Variants in CNKSR2 observed in about 807,000 individuals in gnomAD.
CNKSR2 encodes the protein CNK homolog protein 2.
Under a neutral mutation model 84.4 loss-of-function variants are expected in CNKSR2, and 14 were observed. The ratio of observed to expected loss-of-function variants is 0.17; its 90% CI spans 0.11 to 0.26. The LOEUF is 0.26. Ranked by LOEUF, CNKSR2 falls within the 10% of genes least tolerant of loss-of-function variation. The pLI, the probability that CNKSR2 is intolerant of heterozygous loss-of-function variation, is 1.00. For synonymous variants in CNKSR2, 275 were observed against 277.9 expected (o/e 0.99, Z 0.10); for missense variants, 485 against 771.2 (o/e 0.63, Z 4.40).
chrX:21,530,544 ATTTAG>A (rs1378280292), intron 10 of CNKSR2, among the ~76,000 whole-genome samples: 1 of 111,511 alleles, frequency 9.0e-6, no homozygotes, highest in Non-Finnish European at 1.9e-5. Context: ...TCTTGTTATA[ATTTAG>A]TTTATTCTAT....
intron 1 of CNKSR2, among the ~76,000 whole-genome samples, chrX:21,411,215 C>A (rs1054518502): frequency 6.3e-5 from 7 of 110,549 alleles, no homozygotes; most frequent in African/African-American, 2.3e-4. Context: ...ATTTTGAATT[C>A]TTTTTCAGGA....
At chrX:21,526,837 C>T (rs375204104) in intron 9 of CNKSR2, 30 bp from the exon 10 acceptor site, 96 of 1,143,429 alleles carry the variant, frequency 8.4e-5, no homozygotes, top group African/African-American at 5.3e-4. Flanking sequence ...TGTTTGTGTG[C>T]GTATGTATTT....
chrX:21,426,861 C>CT (rs1390411917), intron 2 of CNKSR2: 24 of 425,586 alleles, frequency 5.6e-5, no homozygotes, highest in Non-Finnish European at 8.2e-5. Flanking sequence ...TTTGTAACAT[C>CT]TTTTATAACA....
At chrX:21,555,955 A>G (rs2092136389) in intron 11 of CNKSR2, among the ~76,000 whole-genome samples, 3 of 110,980 alleles carry the variant, frequency 2.7e-5, no homozygotes, top group Non-Finnish European at 3.8e-5. Flanking sequence ...ATGTATGTAG[A>G]TAAGAAATCA....
Position 21,590,856 on chromosome X carries a change from G to C in CNKSR2, c.1658-166G>C, listed in dbSNP as rs1340125290. On this transcript the variant is annotated intron_variant, in intron 14 of 21. Coordinates refer to ENST00000379510, the MANE Select transcript of CNKSR2 (RefSeq NM_014927.5). ...TTACATATTTCTGATTAAGATGTGT[G>C]TCACTTATGTGAGGGAAAATATTAA... 1.5e-5 allele frequency: 7 copies of C among 465,134 alleles called. No homozygotes were observed. In the East Asian group the frequency reaches 2.7e-4, roughly 18 times the overall value. 38.3% of individuals were successfully genotyped at this position (465,134 alleles called of 1,213,427 possible). A position where few individuals can be genotyped will look rare whatever the true frequency, so the allele number is the denominator to read the frequency against.
rs1170217785 is a variant in CNKSR2 at position 21,434,083 on chromosome X, T to C, written c.431+1269T>C. Among the ~76,000 whole-genome samples the C allele has an allele frequency of 2.7e-5, 3 of 110,960 alleles. No individual in the cohort carries two copies. The East Asian group carries it at 8.4e-4, about 31-fold the overall frequency. On this transcript the variant is annotated intron_variant, in intron 3 of 21. Transcript: ENST00000379510. Reference sequence around the variant, plus strand: ...AGTACTATTAATATAATACATTTGTTTTGGTAGGCTTTACAGTAATCAGAA... The same window carrying C: ...AGTACTATTAATATAATACATTTGTCTTGGTAGGCTTTACAGTAATCAGAA...
Position 21,374,815 on chromosome X carries a change from G to C in CNKSR2, c.-83G>C. 1.1e-6 allele frequency: 1 copy of C among 877,089 alleles called. No homozygotes were observed. The highest frequency in any genetic ancestry group is 1.7e-6 in the Non-Finnish European group (1 of 591,246). 72.3% of individuals were successfully genotyped at this position (877,089 alleles called of 1,213,427 possible). On this transcript the variant is annotated 5_prime_UTR_variant, in exon 1 of 22. Transcript: ENST00000379510. Reference sequence around the variant, plus strand: ...GCCCAGGGAGGCTGCGGCCAGCAAGGGACCCCACCTGAGAGCAGCTCGGGC... The same window carrying C: ...GCCCAGGGAGGCTGCGGCCAGCAAGCGACCCCACCTGAGAGCAGCTCGGGC...
intron 20 of CNKSR2, among the ~76,000 whole-genome samples, chrX:21,617,419 A>G (rs1319238922): frequency 1.8e-5 from 2 of 111,837 alleles, no homozygotes; most frequent in South Asian, 3.7e-4. Context: ...TGATTGCACC[A>G]TAAAAATATC....
intron 11 of CNKSR2, among the ~76,000 whole-genome samples, chrX:21,555,490 A>G (rs2092131854): frequency 9.0e-6 from 1 of 111,301 alleles, no homozygotes; most frequent in South Asian, 3.8e-4. Context: ...CATTTAATTC[A>G]GTTTTACTTC....
Position 21,421,110 on chromosome X carries a change from C to G in CNKSR2, c.65-5387C>G, listed in dbSNP as rs747488454. ...TGGCTAGGGCTGGTTTAAATGCTCC[C>G]TCTGTGGGTGGGCATCAGCTGAGTT... On this transcript the variant is annotated intron_variant, in intron 1 of 21. Coordinates refer to ENST00000379510, the MANE Select transcript of CNKSR2 (RefSeq NM_014927.5). Among the ~76,000 whole-genome samples the G allele has an allele frequency of 2.7e-5, 3 of 110,939 alleles. No individual in the cohort carries two copies. In the South Asian group the frequency reaches 1.2e-3, roughly 43 times the overall value.
chrX:21,408,165 T>A (rs1261633941), intron 1 of CNKSR2, among the ~76,000 whole-genome samples: 6 of 112,093 alleles, frequency 5.4e-5, no homozygotes, highest in African/African-American at 1.9e-4. Context: ...TTTCTATACC[T>A]TTCACAATGA....
chrX:21,626,735 A>G (rs12011785), intron 20 of CNKSR2, among the ~76,000 whole-genome samples: 3,752 of 112,411 alleles, frequency 0.033, 149 homozygotes, highest in African/African-American at 0.1. Flanking sequence ...CAGAAAACAC[A>G]AATTTAGAAT....
intron 1 of CNKSR2, among the ~76,000 whole-genome samples, chrX:21,410,111 T>C (rs901919001): frequency 1.8e-5 from 2 of 109,461 alleles, no homozygotes; most frequent in African/African-American, 3.3e-5. Flanking sequence ...TCATCACTTA[T>C]TGAAAAAAAT....
At chrX:21,637,097 A>C (rs2092675767) in intron 20 of CNKSR2, among the ~76,000 whole-genome samples, 1 of 111,933 alleles carries the variant, frequency 8.9e-6, no homozygotes, top group African/African-American at 3.2e-5. Context: ...GATCTGCCTT[A>C]ATTTCAGAAA....
intron 11 of CNKSR2, 77 bp from the exon 12 acceptor site, chrX:21,561,394 A>G (rs750546817): frequency 1.3e-4 from 99 of 747,178 alleles, no homozygotes; most frequent in Non-Finnish European, 2.0e-4. Flanking sequence ...GGTAGACTTT[A>G]GCTAAAAATC....
chrX:21,439,417 A>G lies in CNKSR2; in HGVS notation c.432-1277A>G, dbSNP rs1055679833. 2.8e-4 allele frequency among the ~76,000 whole-genome samples: 31 copies of G among 111,016 alleles called. 1 individual carries two copies. The highest frequency in any genetic ancestry group is 7.8e-4 in the African/African-American group (24 of 30,720). On this transcript the variant is annotated intron_variant, in intron 3 of 21. Coordinates refer to ENST00000379510, the MANE Select transcript of CNKSR2 (RefSeq NM_014927.5). ...ATATATATCAGAAATATATATATTC[A>G]AAATATATCAGAAATATATATAGTA...
intron 20 of CNKSR2, among the ~76,000 whole-genome samples, chrX:21,614,557 T>A (rs2092567833): frequency 9.1e-6 from 1 of 109,734 alleles, no homozygotes; most frequent in African/African-American, 3.4e-5. Context: ...CACACCATCC[T>A]TGGCTGATTA....
At chrX:21,401,172 T>A (rs2090186473) in intron 1 of CNKSR2, among the ~76,000 whole-genome samples, 1 of 111,101 alleles carries the variant, frequency 9.0e-6, no homozygotes, top group African/African-American at 3.3e-5. Context: ...ATGAATGAGC[T>A]TAGAAAACTG....
chrX:21,585,470 T>C (rs2092380907), intron 13 of CNKSR2, among the ~76,000 whole-genome samples: 1 of 108,619 alleles, frequency 9.2e-6, no homozygotes, highest in Admixed American at 1.0e-4. Context: ...AAAACAAAGC[T>C]GGTAAAACTT....
Sources: allele counts gnomAD v4.1 joint callset (sites outside exome capture counted in the v4.1 genomes callset), GRCh38; gene constraint gnomAD v4.1.1; transcripts MANE v1.5; gene names NCBI Gene and HGNC (gene_info 2026-07-23, HGNC 2026-07-21).